The following IMPG1 variants were observed in gnomAD, a reference collection of about 807,000 sequenced individuals.
IMPG1 encodes interphotoreceptor matrix proteoglycan 1.
A neutral mutation model predicts 92.0 loss-of-function variants in IMPG1; 85 were observed. The ratio of observed to expected loss-of-function variants is 0.92; its 90% CI spans 0.78 to 1.11. The LOEUF (loss-of-function observed/expected upper bound fraction) is 1.11. IMPG1 is among the 50% of genes least tolerant of loss of function. IMPG1 has a pLI of 0.00. For missense variants in IMPG1, 1,022 were observed against 956.0 expected, an observed-to-expected ratio of 1.07 and a Z score of -0.91; for synonymous variants, 367 against 334.1, an observed-to-expected ratio of 1.10 and a Z score of -1.08.
intron 8 of IMPG1, among the ~76,000 whole-genome samples, chr6:76,010,117 A>C (rs1783158404): frequency 6.6e-6 from 1 of 152,266 alleles, no homozygotes; most frequent in East Asian, 1.9e-4. Context: ...AGTTATACAA[A>C]TCAGAGGGGC....
chr6:75,947,374 A>G lies in IMPG1; in HGVS notation c.1984T>C (p.Ser662Pro). The change falls in exon 14 of 17, where the codon TCT (serine) becomes CCT (proline). Residue 662 changes from serine (S) to proline (P), a missense_variant. Around this residue, in one of 3 missense-constraint regions of IMPG1, gnomAD observed 332 missense variants for 346.2 expected, o/e 0.96. Coordinates refer to ENST00000369950, the MANE Select transcript of IMPG1 (RefSeq NM_001563.4). ...AGATGGAGTTGTTGGGCTGCAGCAG[A>G]ACGAAAATCCTCCAAGACCCCGTGC... Reference protein sequence around the residue: ...AVHGVLEDFRSAAAQQLHLEI... With the variant: ...AVHGVLEDFRPAAAQQLHLEI... 6.2e-7 allele frequency: 1 copy of G among 1,614,002 alleles called. No homozygotes were observed. Among genetic ancestry groups the G allele is most frequent in the South Asian group, 1.1e-5 (1 of 91,086 alleles).
chr6:76,009,847 A>G (rs1256608900), intron 8 of IMPG1, among the ~76,000 whole-genome samples: 1 of 152,240 alleles, frequency 6.6e-6, no homozygotes, highest in Non-Finnish European at 1.5e-5. Context: ...ACATTTTAAT[A>G]TTCACCAAAA....
chr6:75,987,515 G>A (rs1390821662), intron 12 of IMPG1, among the ~76,000 whole-genome samples: 2 of 148,922 alleles, frequency 1.3e-5, no homozygotes, highest in Non-Finnish European at 3.0e-5. Flanking sequence ...CTGTGTCTAG[G>A]TGTTCTCATT....
rs184418959 is a variant in IMPG1 at position 76,050,565 on chromosome 6, C to T, written c.68-8439G>A. On this transcript the variant is annotated intron_variant, in intron 1 of 16. Transcript: ENST00000369950. ...GATGGCCATGTGACCACAATGTTGA[C>T]TGGCATCCCTGAAGACATAGGCCAC... Among the ~76,000 whole-genome samples the T allele has an allele frequency of 9.5e-4, 144 of 152,312 alleles. 1 individual carries two copies. The highest frequency in any genetic ancestry group is 3.9e-4 in the East Asian group (2 of 5,182).
chr6:75,972,441 C>A (rs1291309554), intron 12 of IMPG1, among the ~76,000 whole-genome samples: 2 of 151,650 alleles, frequency 1.3e-5, no homozygotes, highest in African/African-American at 4.8e-5. Flanking sequence ...CCTCTCTCCC[C>A]TTTTTTTTGT....
intron 12 of IMPG1, among the ~76,000 whole-genome samples, chr6:75,953,700 T>G (rs1218134969): frequency 6.6e-6 from 1 of 152,054 alleles, no homozygotes; most frequent in Non-Finnish European, 1.5e-5. Flanking sequence ...GCCATGGTGG[T>G]TTGCTGCACC....
chr6:76,026,202 A>T (rs909177940), intron 4 of IMPG1, among the ~76,000 whole-genome samples: 1 of 152,208 alleles, frequency 6.6e-6, no homozygotes, highest in East Asian at 1.9e-4. Flanking sequence ...ACCCTGCTTT[A>T]CTCACCCTTC....
intron 4 of IMPG1, among the ~76,000 whole-genome samples, chr6:76,030,863 G>T (rs923910986): frequency 6.6e-6 from 1 of 152,118 alleles, no homozygotes; most frequent in Non-Finnish European, 1.5e-5. Context: ...GTGGGGAGGG[G>T]GTCCCTGGAA....
At chr6:76,063,158 G>A (rs1784236827) in intron 1 of IMPG1, among the ~76,000 whole-genome samples, 1 of 151,222 alleles carries the variant, frequency 6.6e-6, no homozygotes, top group Non-Finnish European at 1.5e-5. Context: ...GAGCTGAGAC[G>A]GTGCCACTGC....
chr6:76,004,079 GA>G, intron 10 of IMPG1, 129 bp from the exon 11 acceptor site: 1 of 637,048 alleles, frequency 1.6e-6, no homozygotes, highest in South Asian at 2.0e-5. Context: ...AAATCATTAG[GA>G]AACCAGAGGC....
intron 12 of IMPG1, among the ~76,000 whole-genome samples, chr6:75,991,693 C>T (rs1037909750): frequency 6.6e-6 from 1 of 152,188 alleles, no homozygotes; most frequent in Non-Finnish European, 1.5e-5. Context: ...CGAGCTCCTT[C>T]CAGTTCCTCA....
At chr6:76,030,704 C>A (rs1416857867) in intron 4 of IMPG1, among the ~76,000 whole-genome samples, 22 of 152,110 alleles carry the variant, frequency 1.4e-4, no homozygotes, top group Admixed American at 1.4e-3. Flanking sequence ...GCTGGGAATC[C>A]TTAAATAGGC....
chr6:75,956,798 G>A (rs1474291208), intron 12 of IMPG1, among the ~76,000 whole-genome samples: 1 of 152,074 alleles, frequency 6.6e-6, no homozygotes, highest in African/African-American at 2.4e-5. Flanking sequence ...TTGTGTCTTT[G>A]TTCTCATTGG....
At chr6:75,951,181 T>A in intron 12 of IMPG1, 87 bp from the exon 13 acceptor site, 2 of 981,528 alleles carry the variant, frequency 2.0e-6, no homozygotes, top group South Asian at 1.6e-5. Flanking sequence ...TAAGCTTAAC[T>A]TAAGAAAATA....
In IMPG1 at chr6:76,005,327, T is replaced by C; in HGVS notation, c.1095A>G (p.Glu365=). Residue 365 remains glutamate (E), a synonymous_variant, in exon 10 of 17, where the codon GAA becomes GAG. Transcript: ENST00000369950. ...LKRLISKALE[E]EQSLDVGTIQ... Reference sequence around the variant, plus strand: ...TTGTCCCCACATCCAAAGATTGTTCTTCCTCTAGTGCTTTGCTGATCAGCC... The same window carrying C: ...TTGTCCCCACATCCAAAGATTGTTCCTCCTCTAGTGCTTTGCTGATCAGCC... 1.9e-6 allele frequency: 3 copies of C among 1,614,044 alleles called. No homozygotes were observed. The highest frequency in any genetic ancestry group is 8.5e-7 in the Non-Finnish European group (1 of 1,179,906).
intron 4 of IMPG1, among the ~76,000 whole-genome samples, chr6:76,029,741 GGGGAAGTAAAGACCAA>G (rs1783622299): frequency 6.6e-6 from 1 of 152,042 alleles, no homozygotes; most frequent in African/African-American, 2.4e-5. Flanking sequence ...TTTCATTTTT[GGGGAAGTAAAGACCAA>G]GGGAACTAAC....
intron 1 of IMPG1, among the ~76,000 whole-genome samples, chr6:76,070,843 G>A (rs1010935762): frequency 6.6e-6 from 1 of 151,884 alleles, no homozygotes; most frequent in African/African-American, 2.4e-5. Flanking sequence ...GGGGAATGAG[G>A]GATGAAAAAT....
At position 75,924,564 on chromosome 6, in the gene IMPG1, A is replaced by AT. The variant is rs1328375369; in HGVS notation, c.2244-859dup. ...TATATAATATAATTAATATAATTAT[A>AT]TATTATATATAATTAATATAATTAT... On this transcript the variant is annotated intron_variant, in intron 15 of 16. Transcript: ENST00000369950. Among the ~76,000 whole-genome samples, 165 of 50,950 alleles carry AT rather than the reference A, an allele frequency of 3.2e-3. 16 individuals are homozygous for AT. The highest frequency in any genetic ancestry group is 0.011 in the African/African-American group (155 of 14,492). 33.4% of individuals were successfully genotyped at this position (50,950 alleles called of 152,430 possible). A position where few individuals can be genotyped will look rare whatever the true frequency, so the allele number is the denominator to read the frequency against.
chr6:75,946,838 TCTTTC>T (rs1453509310), intron 14 of IMPG1, among the ~76,000 whole-genome samples: 1 of 152,226 alleles, frequency 6.6e-6, no homozygotes, highest in Non-Finnish European at 1.5e-5. Context: ...TGATTATTTT[TCTTTC>T]CTTAGAATGC....
Sources: gnomAD v4.1 joint callset for allele counts (sites outside exome capture counted in the v4.1 genomes callset) on GRCh38, gnomAD v4.1.1 for gene constraint, gnomAD v4.1.1 regional missense constraint, MANE v1.5 for transcripts, NCBI Gene and HGNC (gene_info 2026-07-23, HGNC 2026-07-21) for gene names.